The following CRLF3 variants were observed in gnomAD, a reference collection of about 807,000 sequenced individuals.
The protein encoded by CRLF3 is cytokine receptor like factor 3.
Under a neutral mutation model 55.0 loss-of-function variants are expected in CRLF3, and 33 were observed. The ratio of observed to expected loss-of-function variants is 0.60; its 90% CI spans 0.46 to 0.80. The LOEUF (loss-of-function observed/expected upper bound fraction) is 0.80, where lower values mean the gene tolerates loss of function less well. Among genes scored for constraint, CRLF3 ranks in the 30% least tolerant of loss-of-function variants. The probability of loss-of-function intolerance (pLI) is 0.00; values close to 1 mark genes in which losing one functional copy is unlikely to be tolerated. For synonymous variants in CRLF3, 238 were observed against 196.8 expected, an observed-to-expected ratio of 1.21 and a Z score of -1.75; for missense variants, 494 against 538.4, an observed-to-expected ratio of 0.92 and a Z score of 0.82.
chr17:30,794,324 C>T (rs1971870568), intron 4 of CRLF3, among the ~76,000 whole-genome samples: 1 of 151,964 alleles, frequency 6.6e-6, no homozygotes, highest in Admixed American at 6.6e-5. Flanking sequence ...TATACAGAAC[C>T]CCCATTAATT....
rs879617284 is a variant in CRLF3, at chr17:30,791,752, G to A, written c.959+688C>T. 8.6e-4 allele frequency among the ~76,000 whole-genome samples: 130 copies of A among 151,264 alleles called. 1 individual carries two copies. Among genetic ancestry groups the A allele is most frequent in the Non-Finnish European group, 2.8e-4 (19 of 67,818 alleles). ...AGGATGTTCTCAATCTCCTGACCTCGTGATCCGCCCGCCTCAGCCTCCCAA... is the reference window on the plus strand; with the variant it reads ...AGGATGTTCTCAATCTCCTGACCTCATGATCCGCCCGCCTCAGCCTCCCAA... On this transcript the variant is annotated intron_variant, in intron 6 of 7. Coordinates refer to ENST00000324238, the MANE Select transcript of CRLF3 (RefSeq NM_015986.4).
chr17:30,794,758 T>C (rs1268886730), intron 4 of CRLF3, among the ~76,000 whole-genome samples: 6 of 152,122 alleles, frequency 3.9e-5, no homozygotes, highest in Non-Finnish European at 8.8e-5. Context: ...TGTGCCACTG[T>C]ACTCCAGCCT....
rs1410879690 is a variant in CRLF3 at position 30,783,846 on chromosome 17, A to T, written c.*341T>A. On this transcript the variant is annotated 3_prime_UTR_variant, in exon 8 of 8. Transcript: ENST00000324238. Reference sequence around the variant, plus strand: ...TGGATCCTTTAAGATGATTTTAAAAATAATATTACATTAAGTTTTCCTGGT... The same window carrying T: ...TGGATCCTTTAAGATGATTTTAAAATTAATATTACATTAAGTTTTCCTGGT... The T allele has an allele frequency of 5.2e-6, 1 of 192,100 alleles. No homozygotes were observed. The highest frequency in any genetic ancestry group is 2.4e-5 in the African/African-American group (1 of 42,236). 11.9% of individuals were successfully genotyped at this position (192,100 alleles called of 1,614,324 possible). A position where few individuals can be genotyped will look rare whatever the true frequency, so the allele number is the denominator to read the frequency against.
rs1159336036 is a variant in CRLF3, at chr17:30,788,599, C to CTTTTTT, written c.960-2574_960-2569dup. Among the ~76,000 whole-genome samples, 369 of 80,032 alleles carry CTTTTTT rather than the reference C, an allele frequency of 4.6e-3. 26 individuals are homozygous for CTTTTTT. Among genetic ancestry groups the CTTTTTT allele is most frequent in the African/African-American group, 0.011 (193 of 17,226 alleles). The allele number at this position is 80,032 out of a possible 152,430, so 52.5% of individuals were successfully genotyped here. On this transcript the variant is annotated intron_variant, in intron 6 of 7. Transcript: ENST00000324238. ...GGGATAAATAACAAAGTAGTGCCTT[C>CTTTTTT]TTTTTTTTTTTTTTTTTTTTTTTTT...
chr17:30,796,689 A>G (rs1971922790), intron 3 of CRLF3, among the ~76,000 whole-genome samples: 1 of 149,492 alleles, frequency 6.7e-6, no homozygotes, highest in South Asian at 2.1e-4. Flanking sequence ...AATCACAACT[A>G]TTTCATTAGT....
At chr17:30,798,069 T>C (rs1037423695) in intron 2 of CRLF3, among the ~76,000 whole-genome samples, 1 of 151,802 alleles carries the variant, frequency 6.6e-6, no homozygotes, top group Non-Finnish European at 1.5e-5. Flanking sequence ...TTACAAATTA[T>C]TCAACAGAAC....
chr17:30,795,693 T>C (rs1172123511), intron 4 of CRLF3, among the ~76,000 whole-genome samples: 2 of 151,728 alleles, frequency 1.3e-5, no homozygotes, highest in South Asian at 2.1e-4. Flanking sequence ...CCCAGCACTT[T>C]GGGTGGCCGA....
chr17:30,805,705 C>T (rs1182758585), intron 1 of CRLF3, among the ~76,000 whole-genome samples: 1 of 144,248 alleles, frequency 6.9e-6, no homozygotes, highest in East Asian at 2.0e-4. Context: ...CAGAGTGAGA[C>T]TCCGTCTCAA....
At chr17:30,820,528 C>T (rs892005289) in intron 1 of CRLF3, among the ~76,000 whole-genome samples, 1 of 152,022 alleles carries the variant, frequency 6.6e-6, no homozygotes, top group Non-Finnish European at 1.5e-5. Context: ...CACCCAGGCA[C>T]GGTGGTAATC....
At chr17:30,811,506 A>T (rs533312955) in intron 1 of CRLF3, among the ~76,000 whole-genome samples, 13 of 151,766 alleles carry the variant, frequency 8.6e-5, no homozygotes, top group Admixed American at 2.6e-4. Context: ...AAACATATTT[A>T]TCAAAAATAA....
chr17:30,790,276 C>T (rs1971762016), intron 6 of CRLF3, among the ~76,000 whole-genome samples: 1 of 152,136 alleles, frequency 6.6e-6, no homozygotes, highest in Non-Finnish European at 1.5e-5. Context: ...TAGAGGAGAG[C>T]TTGTTACACT....
chr17:30,817,122 T>C (rs962780740), intron 1 of CRLF3, among the ~76,000 whole-genome samples: 8 of 152,050 alleles, frequency 5.3e-5, no homozygotes, highest in African/African-American at 1.9e-4. Flanking sequence ...ATATCTACAA[T>C]AGACTCCACC....
Position 30,792,099 on chromosome 17 carries a change from C to T in CRLF3, c.959+341G>A, listed in dbSNP as rs1437147407. 3.3e-5 allele frequency among the ~76,000 whole-genome samples: 5 copies of T among 152,168 alleles called. No homozygotes were observed. In the South Asian group the frequency reaches 6.2e-4, roughly 19 times the overall value. On this transcript the variant is annotated intron_variant, in intron 6 of 7. Coordinates refer to ENST00000324238, the MANE Select transcript of CRLF3 (RefSeq NM_015986.4). The stretch of plus-strand genomic sequence containing the variant: ...CCGACCTCAGGTGATCCACCTGCCT[C>T]GGCCTACCAAAGTGCTGGGGTTACA...
chr17:30,788,737 A>G (rs981985531), intron 6 of CRLF3, among the ~76,000 whole-genome samples: 1 of 149,676 alleles, frequency 6.7e-6, no homozygotes, highest in Non-Finnish European at 1.5e-5. Context: ...CCTCCTGAGT[A>G]GCTGGGATTA....
At chr17:30,820,504 T>A (rs936431561) in intron 1 of CRLF3, among the ~76,000 whole-genome samples, 2 of 152,012 alleles carry the variant, frequency 1.3e-5, no homozygotes, top group African/African-American at 4.8e-5. Context: ...GCCTGGCAGC[T>A]GGGCACGGTG....
chr17:30,797,314 T>C lies in CRLF3; in HGVS notation c.422A>G (p.Asp141Gly). Residue 141 changes from aspartate (D) to glycine (G), a missense_variant, in exon 3 of 8, where the codon GAC (aspartate) becomes GGC (glycine). Coordinates refer to ENST00000324238, the MANE Select transcript of CRLF3 (RefSeq NM_015986.4). ...FTKKASHIQL[D>G]SLPEVPLLVD... ...AAAAAGGCACAAACTCTTTTACCTG[T>C]CCAACTGAATGTGCGAGGCCTTTTT... 1 of 1,610,788 alleles carries C rather than the reference T, an allele frequency of 6.2e-7. No individual in the cohort carries two copies. Among genetic ancestry groups the C allele is most frequent in the Non-Finnish European group, 8.5e-7 (1 of 1,176,916 alleles).
intron 5 of CRLF3, among the ~76,000 whole-genome samples, chr17:30,793,143 ACTAACTAAATAACATT>A (rs1358985163): frequency 6.6e-6 from 1 of 151,840 alleles, no homozygotes; most frequent in Admixed American, 6.6e-5. Flanking sequence ...TCTCAAAAAA[ACTAACTAAATAACATT>A]CAAATATAAA....
chr17:30,790,161 A>G (rs376624984), intron 6 of CRLF3, among the ~76,000 whole-genome samples: 29 of 152,308 alleles, frequency 1.9e-4, no homozygotes, highest in African/African-American at 6.3e-4. Flanking sequence ...ACTGGCTTAG[A>G]TAAAATATTC....
At chr17:30,800,636 TTTG>T (rs1047216075) in intron 2 of CRLF3, among the ~76,000 whole-genome samples, 4 of 152,114 alleles carry the variant, frequency 2.6e-5, no homozygotes, top group African/African-American at 7.2e-5. Flanking sequence ...GTCTTGTTTT[TTTG>T]TTTTTATTTT....
Sources: allele counts gnomAD v4.1 joint callset (sites outside exome capture counted in the v4.1 genomes callset), GRCh38; gene constraint gnomAD v4.1.1; transcripts MANE v1.5; gene names NCBI Gene and HGNC (gene_info 2026-07-23, HGNC 2026-07-21).